GLIS3: variants seen among roughly 807,000 people sequenced by gnomAD.
GLIS3 encodes GLIS family zinc finger 3, also known as zinc finger protein GLIS3.
In GLIS3, 53 loss-of-function variants were observed where a neutral mutation model predicts 78.6. The ratio of observed to expected loss-of-function variants is 0.67; its 90% CI spans 0.54 to 0.85. The LOEUF is 0.85. GLIS3 is among the 40% of genes least tolerant of loss of function. The probability of loss-of-function intolerance (pLI) is 0.00; values close to 1 mark genes in which losing one functional copy is unlikely to be tolerated. For missense variants in GLIS3, 1,703 were observed against 1,231.1 expected (o/e 1.38, Z -5.74); for synonymous variants, 684 against 509.9 (o/e 1.34, Z -4.60).
chr9:3,901,415 C>T (rs10974071), intron 6 of GLIS3, among the ~76,000 whole-genome samples: 20,736 of 152,206 alleles, frequency 0.14, 1,678 homozygotes, highest in Non-Finnish European at 0.17. Flanking sequence ...AGCTTGAAAT[C>T]GGTCATAGTG....
the GLIS3 span, among the ~76,000 whole-genome samples, chr9:4,397,432 T>A: frequency 6.6e-6 from 1 of 151,754 alleles, no homozygotes; most frequent in Non-Finnish European, 1.5e-5. Context: ...CAATTACTGA[T>A]TTTGATAGCA....
intron 2 of GLIS3, among the ~76,000 whole-genome samples, chr9:4,139,271 C>A (rs952603680): frequency 1.3e-5 from 2 of 152,222 alleles, no homozygotes; most frequent in African/African-American, 2.4e-5. Flanking sequence ...AGACCCCTCA[C>A]TGTACGGAGC....
At chr9:4,194,998 T>C (rs1335152389) in intron 2 of GLIS3, among the ~76,000 whole-genome samples, 1 of 152,174 alleles carries the variant, frequency 6.6e-6, no homozygotes, top group South Asian at 2.1e-4. Context: ...AGCCCAGAGA[T>C]TGCAGTGCCT....
intron 2 of GLIS3, among the ~76,000 whole-genome samples, chr9:4,139,990 G>T (rs370053418): frequency 2.6e-5 from 4 of 152,074 alleles, no homozygotes; most frequent in South Asian, 2.1e-4. Context: ...TTTTCAGTAT[G>T]TAAGAGCTGG....
At chr9:4,296,044 T>C (rs1456748793) in intron 1 of GLIS3, among the ~76,000 whole-genome samples, 2 of 152,106 alleles carry the variant, frequency 1.3e-5, no homozygotes, top group African/African-American at 4.8e-5. Context: ...TTCCACCTTA[T>C]TTACAATATA....
the GLIS3 span, among the ~76,000 whole-genome samples, chr9:4,367,008 TTCCTAAAGCAA>T: frequency 2.0e-5 from 3 of 152,236 alleles, no homozygotes; most frequent in African/African-American, 7.2e-5. Context: ...ATGAGGATGC[TTCCTAAAGCAA>T]TCCTATCAGC....
intron 4 of GLIS3, among the ~76,000 whole-genome samples, chr9:4,082,705 T>C (rs566143939): frequency 6.6e-6 from 1 of 152,218 alleles, no homozygotes; most frequent in Non-Finnish European, 1.5e-5. Flanking sequence ...GAAATCTGAT[T>C]AACTTCACCA....
chr9:4,069,622 G>A (rs1827417782), intron 4 of GLIS3, among the ~76,000 whole-genome samples: 1 of 151,884 alleles, frequency 6.6e-6, no homozygotes, highest in Non-Finnish European at 1.5e-5. Flanking sequence ...TTTTTCAACT[G>A]CATGCCTACC....
chr9:4,249,311 G>C (rs547345553), intron 2 of GLIS3, among the ~76,000 whole-genome samples: 1 of 152,160 alleles, frequency 6.6e-6, no homozygotes, highest in Non-Finnish European at 1.5e-5. Flanking sequence ...GCAGTGGTTT[G>C]TAGTTCTCTT....
chr9:4,357,904 T>C, the GLIS3 span, among the ~76,000 whole-genome samples: 7 of 152,312 alleles, frequency 4.6e-5, no homozygotes, highest in African/African-American at 1.4e-4. Flanking sequence ...TTGTTTGAAA[T>C]GGCAAACGAA....
At chr9:4,393,662 T>G in the GLIS3 span, among the ~76,000 whole-genome samples, 208 of 152,316 alleles carry the variant, frequency 1.4e-3, no homozygotes, top group African/African-American at 4.5e-3. Flanking sequence ...GTCCCCCACA[T>G]TGAATTTGGC....
At chr9:3,942,876 C>A (rs1050070017) in intron 4 of GLIS3, among the ~76,000 whole-genome samples, 3 of 150,906 alleles carry the variant, frequency 2.0e-5, no homozygotes, top group African/African-American at 7.3e-5. Context: ...TTTAAAAAGA[C>A]GAAATAAAAT....
At chr9:3,988,565 G>C (rs1424505477) in intron 4 of GLIS3, among the ~76,000 whole-genome samples, 4 of 152,132 alleles carry the variant, frequency 2.6e-5, no homozygotes, top group East Asian at 1.9e-4. Flanking sequence ...TTAATACATA[G>C]ATCGATTGAA....
intron 8 of GLIS3, among the ~76,000 whole-genome samples, chr9:3,873,276 A>C (rs967222): frequency 6.6e-6 from 1 of 152,190 alleles, no homozygotes; most frequent in Non-Finnish European, 1.5e-5. Context: ...AGTCACAACA[A>C]CAATAACAAA....
At chr9:4,339,063 T>C (rs1466284399) in intron 2 of GLIS3, among the ~76,000 whole-genome samples, 1 of 152,230 alleles carries the variant, frequency 6.6e-6, no homozygotes, top group Admixed American at 6.5e-5. Context: ...AATAATCATG[T>C]TCAAAACAAT....
At chr9:4,383,677 G>T in the GLIS3 span, among the ~76,000 whole-genome samples, 1 of 152,144 alleles carries the variant, frequency 6.6e-6, no homozygotes, top group African/African-American at 2.4e-5. Flanking sequence ...TCCAAAAGAA[G>T]TCTCCAAAAG....
chr9:4,006,374 T>A (rs190422277), intron 4 of GLIS3, among the ~76,000 whole-genome samples: 64 of 151,294 alleles, frequency 4.2e-4, no homozygotes, highest in South Asian at 1.2e-3. Flanking sequence ...ATGAAATTTT[T>A]AAAAAATAGA....
At chr9:4,078,022 G>A (rs751538058) in intron 4 of GLIS3, among the ~76,000 whole-genome samples, 1 of 152,048 alleles carries the variant, frequency 6.6e-6, no homozygotes, top group Non-Finnish European at 1.5e-5. Context: ...TTTATAGTGA[G>A]CTCTCTGTTA....
chr9:4,087,956 C>T (rs368961776), intron 4 of GLIS3, among the ~76,000 whole-genome samples: 3 of 152,160 alleles, frequency 2.0e-5, no homozygotes, highest in East Asian at 3.8e-4. Context: ...TGGATTGGCC[C>T]CCAATGAACT....
Sources: allele counts gnomAD v4.1 joint callset (sites outside exome capture counted in the v4.1 genomes callset), GRCh38; gene constraint gnomAD v4.1.1; transcripts MANE v1.5; gene names NCBI Gene and HGNC (gene_info 2026-07-23, HGNC 2026-07-21).